Variants in CLOCK observed in about 807,000 individuals in gnomAD.
The protein encoded by CLOCK is circadian locomoter output cycles protein kaput.
CLOCK carries 43 observed loss-of-function variants against 118.4 expected under a neutral mutation model. The observed-to-expected ratio is 0.36, with a 90% CI of 0.28 to 0.47. The LOEUF (loss-of-function observed/expected upper bound fraction) is 0.47. Among genes scored for constraint, CLOCK ranks in the 20% least tolerant of loss-of-function variants. The probability of loss-of-function intolerance (pLI) is 1.00; values close to 1 mark genes in which losing one functional copy is unlikely to be tolerated. For missense variants in CLOCK, 846 were observed against 999.9 expected, an observed-to-expected ratio of 0.85 and a Z score of 2.08; for synonymous variants, 326 against 339.2, an observed-to-expected ratio of 0.96 and a Z score of 0.43.
At chr4:55,473,201 C>A (rs1321252633) in intron 7 of CLOCK, among the ~76,000 whole-genome samples, 2 of 151,010 alleles carry the variant, frequency 1.3e-5, no homozygotes, top group African/African-American at 4.9e-5. Flanking sequence ...CCAGCCTGGG[C>A]GACTAAGCAA....
intron 18 of CLOCK, among the ~76,000 whole-genome samples, chr4:55,445,334 C>A (rs1051279477): frequency 1.3e-5 from 2 of 152,144 alleles, no homozygotes; most frequent in Admixed American, 6.5e-5. Context: ...AGCTTCCCTG[C>A]AAGCTTTACC....
rs1348900738 is a variant in CLOCK at position 55,429,989 on chromosome 4, G to A, written c.*5426C>T. 1 of 152,086 alleles carries A rather than the reference G, an allele frequency of 6.6e-6. No individual in the cohort carries two copies. The highest frequency in any genetic ancestry group is 1.5e-5 in the Non-Finnish European group (1 of 68,016). 9.4% of individuals were successfully genotyped at this position (152,086 alleles called of 1,614,324 possible). Reference sequence around the variant, plus strand: ...GCCAGTTCCCTAAGAAGAATATGGTGCAAAACAAAACAAACCACACATTAA... The same window carrying A: ...GCCAGTTCCCTAAGAAGAATATGGTACAAAACAAAACAAACCACACATTAA... On this transcript the variant is annotated 3_prime_UTR_variant, in exon 23 of 23. Transcript: ENST00000513440.
rs1306377462 is a variant in CLOCK, at chr4:55,479,814, A to G, written c.48-115T>C. On this transcript the variant is annotated intron_variant, in intron 4 of 22. Coordinates refer to ENST00000513440, the MANE Select transcript of CLOCK (RefSeq NM_004898.4). ...ATGATTTTTGTAAAGTTAATGAGTT[A>G]TAACATTCAAACTACTAACCTATTT... 4.8e-5 allele frequency: 38 copies of G among 796,138 alleles called. No homozygotes were observed. The East Asian group carries it at 9.7e-4, about 20-fold the overall frequency. 49.3% of individuals were successfully genotyped at this position (796,138 alleles called of 1,614,324 possible).
intron 9 of CLOCK, among the ~76,000 whole-genome samples, chr4:55,462,136 G>A (rs1725385199): frequency 6.6e-6 from 1 of 152,114 alleles, no homozygotes; most frequent in Non-Finnish European, 1.5e-5. Context: ...AAGTATTCTT[G>A]CCATTTTCAT....
At chr4:55,501,265 T>C (rs1433494157) in intron 2 of CLOCK, among the ~76,000 whole-genome samples, 1 of 150,194 alleles carries the variant, frequency 6.7e-6, no homozygotes, top group Admixed American at 6.6e-5. Flanking sequence ...TGGTTGACTT[T>C]TTCCTTTCAC....
chr4:55,525,509 AT>A (rs1402057345), intron 1 of CLOCK, among the ~76,000 whole-genome samples: 3,178 of 149,846 alleles, frequency 0.021, 102 homozygotes, highest in African/African-American at 0.072. Flanking sequence ...AATAATAAAC[AT>A]TTTTTTTTTG....
At chr4:55,483,489 T>A (rs562128280) in intron 3 of CLOCK, among the ~76,000 whole-genome samples, 38 of 152,270 alleles carry the variant, frequency 2.5e-4, no homozygotes, top group African/African-American at 8.7e-4. Flanking sequence ...GAGCTTGTTT[T>A]CAAAGGCAAA....
At chr4:55,540,267 G>A (rs879745105) in intron 1 of CLOCK, among the ~76,000 whole-genome samples, 10 of 151,606 alleles carry the variant, frequency 6.6e-5, no homozygotes, top group Admixed American at 5.9e-4. Flanking sequence ...CTCAGCCTCC[G>A]AAAGTGCTGG....
chr4:55,539,572 C>CAAAAAAAAAAAAAAAAAA (rs57022769), intron 1 of CLOCK, among the ~76,000 whole-genome samples: 5 of 52,064 alleles, frequency 9.6e-5, no homozygotes, highest in Non-Finnish European at 1.3e-4. Context: ...GACCTTGTCT[C>CAAAAAAAAAAAAAAAAAA]AAAAAAAAAA....
chr4:55,491,113 T>C (rs1727643631), intron 2 of CLOCK, among the ~76,000 whole-genome samples: 1 of 151,468 alleles, frequency 6.6e-6, no homozygotes, highest in African/African-American at 2.4e-5. Context: ...AGAAAACATC[T>C]TGAGACAAAC....
intron 1 of CLOCK, among the ~76,000 whole-genome samples, chr4:55,534,365 G>A (rs1730747866): frequency 6.6e-6 from 1 of 151,968 alleles, no homozygotes; most frequent in Admixed American, 6.6e-5. Context: ...GAAAGCTACA[G>A]CAATAAACCT....
At chr4:55,500,412 C>T (rs772748898) in intron 2 of CLOCK, among the ~76,000 whole-genome samples, 6 of 152,156 alleles carry the variant, frequency 3.9e-5, no homozygotes, top group Non-Finnish European at 5.9e-5. Flanking sequence ...GGTGTGAACA[C>T]AGCTCACTGC....
chr4:55,496,349 G>C lies in CLOCK; in HGVS notation c.-135-6884C>G, dbSNP rs145497426. 3.9e-3 allele frequency among the ~76,000 whole-genome samples: 590 copies of C among 152,106 alleles called. 2 individuals are homozygous for C. The highest frequency in any genetic ancestry group is 0.013 in the African/African-American group (542 of 41,518). On this transcript the variant is annotated intron_variant, in intron 2 of 22. Transcript: ENST00000513440. Reference sequence around the variant, plus strand: ...CCTAGTAAAGGCACAAGGGAGTAAAGCAAGTTTATTTGACATGGTCGGGAA... The same window carrying C: ...CCTAGTAAAGGCACAAGGGAGTAAACCAAGTTTATTTGACATGGTCGGGAA...
intron 15 of CLOCK, among the ~76,000 whole-genome samples, chr4:55,451,527 A>G (rs1724454203): frequency 6.6e-6 from 1 of 152,200 alleles, no homozygotes; most frequent in African/African-American, 2.4e-5. Context: ...TTTCTCAAAA[A>G]TATCTCAGAA....
intron 2 of CLOCK, among the ~76,000 whole-genome samples, chr4:55,496,184 G>A (rs1001014717): frequency 1.0e-4 from 15 of 150,664 alleles, no homozygotes; most frequent in South Asian, 6.3e-4. Flanking sequence ...GCGAGAGGTC[G>A]TCTCAAAAAA....
intron 7 of CLOCK, among the ~76,000 whole-genome samples, chr4:55,473,323 C>A (rs957907585): frequency 2.0e-5 from 3 of 152,022 alleles, no homozygotes; most frequent in Non-Finnish European, 4.4e-5. Flanking sequence ...TTATGACACA[C>A]AGATACTAGT....
Position 55,448,154 on chromosome 4 carries a change from C to T in CLOCK, c.1539+625G>A, listed in dbSNP as rs531891893. ...CATACTTTCAGCACAGGCAATATAG[C>T]ATGGTATTGTAGGCATCTGTCATTC... On this transcript the variant is annotated intron_variant, in intron 18 of 22. Coordinates refer to ENST00000513440, the MANE Select transcript of CLOCK (RefSeq NM_004898.4). Among the ~76,000 whole-genome samples the T allele has an allele frequency of 9.2e-5, 14 of 152,266 alleles. No homozygotes were observed. In the East Asian group the frequency reaches 2.5e-3, roughly 27 times the overall value.
rs1723470044 is a variant in CLOCK, at chr4:55,442,696, C to T, written c.1903-62G>A. On this transcript the variant is annotated intron_variant, in intron 20 of 22. Coordinates refer to ENST00000513440, the MANE Select transcript of CLOCK (RefSeq NM_004898.4). ...TGAAAATAATTATTTGGGAAGTATG[C>T]TAGAATTCATCATTCTAACAATATG... The T allele has an allele frequency of 3.0e-6, 4 of 1,355,540 alleles. No homozygotes were observed. In the South Asian group the frequency reaches 4.9e-5, roughly 16 times the overall value. 84.0% of individuals were successfully genotyped at this position (1,355,540 alleles called of 1,614,324 possible).
Position 55,456,222 on chromosome 4 carries a change from G to T in CLOCK, c.871C>A (p.His291Asn). Reference sequence around the variant, plus strand: ...GGAATTTAAAAATGGAATTACCTGTGATCTAGAAACAGAAACTTCCATTCT... The same window carrying T: ...GGAATTTAAAAATGGAATTACCTGTTATCTAGAAACAGAAACTTCCATTCT... ...SLEWKFLFLDHRAPPIIGYLP... is the reference protein window; with the variant it reads ...SLEWKFLFLDNRAPPIIGYLP... Residue 291 changes from histidine (H) to asparagine (N), a missense_variant, in exon 12 of 23, where the codon CAC (histidine) becomes AAC (asparagine). His to Asn is a moderately conservative substitution (Grantham distance 68). Coordinates refer to ENST00000513440, the MANE Select transcript of CLOCK (RefSeq NM_004898.4). The T allele has an allele frequency of 6.3e-7, 1 of 1,584,328 alleles. No individual in the cohort carries two copies. Among genetic ancestry groups the T allele is most frequent in the South Asian group, 1.1e-5 (1 of 89,398 alleles).
Sources: gnomAD v4.1 joint callset for allele counts (sites outside exome capture counted in the v4.1 genomes callset) on GRCh38, gnomAD v4.1.1 for gene constraint, MANE v1.5 for transcripts, NCBI Gene and HGNC (gene_info 2026-07-23, HGNC 2026-07-21) for gene names.